The following PREX1 variants were observed in gnomAD, a reference collection of about 807,000 sequenced individuals.
PREX1 encodes phosphatidylinositol-3,4,5-trisphosphate dependent Rac exchange factor 1.
A neutral mutation model predicts 198.3 loss-of-function variants in PREX1; 41 were observed. The ratio of observed to expected loss-of-function variants is 0.21; its 90% CI spans 0.16 to 0.27. The LOEUF is 0.27. Ranked by LOEUF, PREX1 falls within the 10% of genes least tolerant of loss-of-function variation. PREX1 has a pLI of 1.00. For missense variants in PREX1, 1,620 were observed against 2,200.7 expected, an observed-to-expected ratio of 0.74 and a Z score of 5.28; for synonymous variants, 843 against 887.2, an observed-to-expected ratio of 0.95 and a Z score of 0.89.
intron 6 of PREX1, among the ~76,000 whole-genome samples, chr20:48,703,797 T>C (rs2089887958): frequency 6.6e-6 from 1 of 152,104 alleles, no homozygotes; most frequent in Non-Finnish European, 1.5e-5. Context: ...GCAGCTGAAA[T>C]GCCGAGCACA....
chr20:48,811,456 G>A (rs1224905667), intron 1 of PREX1, among the ~76,000 whole-genome samples: 1 of 152,128 alleles, frequency 6.6e-6, no homozygotes, highest in Non-Finnish European at 1.5e-5. Context: ...CACATCTGTG[G>A]CCTCAGTAGC....
chr20:48,782,470 T>C (rs1277426088), intron 1 of PREX1, among the ~76,000 whole-genome samples: 1 of 152,060 alleles, frequency 6.6e-6, no homozygotes, highest in Non-Finnish European at 1.5e-5. Flanking sequence ...CCTCTATAAA[T>C]TACCCAGTCT....
rs2122864112 is a variant in PREX1, at chr20:48,642,128, C to T, written c.3775+40G>A. 3.8e-6 allele frequency: 6 copies of T among 1,590,558 alleles called. No homozygotes were observed. In the Middle Eastern group the frequency reaches 5.0e-4, roughly 132 times the overall value. The stretch of plus-strand genomic sequence containing the variant: ...TACGCCGCCCTGTCTAACACCCTTC[C>T]CCATCGCAGGCTGTCACCTTGGACT... On this transcript the variant is annotated intron_variant, in intron 29 of 39. Transcript: ENST00000371941.
intron 7 of PREX1, among the ~76,000 whole-genome samples, chr20:48,699,924 G>A (rs1332518350): frequency 6.6e-6 from 1 of 151,912 alleles, no homozygotes; most frequent in Non-Finnish European, 1.5e-5. Context: ...TCACACACAC[G>A]TCAATTCCAA....
intron 1 of PREX1, among the ~76,000 whole-genome samples, chr20:48,796,883 A>G: frequency 6.6e-6 from 1 of 151,944 alleles, no homozygotes; most frequent in East Asian, 1.9e-4. Flanking sequence ...TTTTACATAA[A>G]GTTCAAAAAC....
intron 14 of PREX1, among the ~76,000 whole-genome samples, chr20:48,670,490 T>C (rs1403673260): frequency 1.3e-5 from 2 of 152,160 alleles, no homozygotes; most frequent in African/African-American, 4.8e-5. Flanking sequence ...GCTGACCCCC[T>C]GCCCTGCATG....
intron 1 of PREX1, among the ~76,000 whole-genome samples, chr20:48,768,645 T>C (rs1407851540): frequency 6.6e-6 from 1 of 151,998 alleles, no homozygotes; most frequent in African/African-American, 2.4e-5. Flanking sequence ...AATATAAAAA[T>C]TAGCCAGGCA....
At chr20:48,856,625 ACTTTTCTTTT>A in the PREX1 span, among the ~76,000 whole-genome samples, 1 of 152,078 alleles carries the variant, frequency 6.6e-6, no homozygotes, top group Non-Finnish European at 1.5e-5. Flanking sequence ...AAGTAAAATC[ACTTTTCTTTT>A]CTTTTCTTCC....
At chr20:48,632,423 G>A (rs372436566) in intron 34 of PREX1, 32 bp from the exon 35 acceptor site, 18 of 1,613,034 alleles carry the variant, frequency 1.1e-5, no homozygotes, top group African/African-American at 5.3e-5. Flanking sequence ...GCGGGCAGGC[G>A]GTTGGGAGCC....
intron 17 of PREX1, 119 bp downstream of exon 17, chr20:48,658,012 GAGAGA>G (rs975666102): frequency 1.2e-5 from 11 of 944,256 alleles, no homozygotes; most frequent in South Asian, 8.1e-5. Context: ...CGTGAGCAAT[GAGAGA>G]AGAGGAGTCA....
intron 3 of PREX1, among the ~76,000 whole-genome samples, chr20:48,738,468 C>T (rs532841308): frequency 9.8e-5 from 15 of 152,340 alleles, no homozygotes; most frequent in Admixed American, 3.9e-4. Context: ...AGTTCAATCA[C>T]GCCTGTGTCC....
chr20:48,724,221 A>C (rs1239726851), intron 5 of PREX1, among the ~76,000 whole-genome samples: 1 of 152,054 alleles, frequency 6.6e-6, no homozygotes, highest in East Asian at 1.9e-4. Context: ...TCTACTGCTT[A>C]TCTACTACGT....
intron 6 of PREX1, among the ~76,000 whole-genome samples, chr20:48,703,311 G>A (rs1379973060): frequency 6.6e-6 from 1 of 152,226 alleles, no homozygotes; most frequent in Non-Finnish European, 1.5e-5. Context: ...GCCGGGACAG[G>A]AGCCTGCATT....
At chr20:48,697,389 T>C (rs1276558921) in intron 7 of PREX1, among the ~76,000 whole-genome samples, 3 of 151,434 alleles carry the variant, frequency 2.0e-5, no homozygotes, top group Non-Finnish European at 2.9e-5. Context: ...CTTTTCTTTT[T>C]TTTTTTTTTG....
At chr20:48,787,097 C>T (rs1025074434) in intron 1 of PREX1, among the ~76,000 whole-genome samples, 1 of 152,084 alleles carries the variant, frequency 6.6e-6, no homozygotes, top group East Asian at 1.9e-4. Flanking sequence ...GCAAAGGCTG[C>T]GAGAAGCGGG....
rs138160648 is a variant in PREX1 at position 48,804,938 on chromosome 20, T to A, written c.219+22704A>T. Among the ~76,000 whole-genome samples, 826 of 152,194 alleles carry A rather than the reference T, an allele frequency of 5.4e-3. 9 individuals are homozygous for A. The highest frequency in any genetic ancestry group is 0.019 in the African/African-American group (782 of 41,522). On this transcript the variant is annotated intron_variant, in intron 1 of 39. Coordinates refer to ENST00000371941, the MANE Select transcript of PREX1 (RefSeq NM_020820.4). ...AGTTTGTGATGCCTGCTGAATGCCC[T>A]CATGGAGATGTCGGGTCATCATCTA...
At chr20:48,800,572 T>C (rs2123007464) in intron 1 of PREX1, among the ~76,000 whole-genome samples, 1 of 152,268 alleles carries the variant, frequency 6.6e-6, no homozygotes, top group Middle Eastern at 3.4e-3. Context: ...GTTCCCTCTC[T>C]TTCCCTCCCT....
intron 5 of PREX1, among the ~76,000 whole-genome samples, chr20:48,712,459 G>A (rs1394295472): frequency 6.6e-6 from 1 of 152,188 alleles, no homozygotes; most frequent in Non-Finnish European, 1.5e-5. Flanking sequence ...GCACCCCTCT[G>A]ATGGGCACTG....
At position 48,666,214 on chromosome 20, in the gene PREX1, A is replaced by T; in HGVS notation, c.1738+69T>A. 1 of 1,466,428 alleles carries T rather than the reference A, an allele frequency of 6.8e-7. No individual in the cohort carries two copies. Among genetic ancestry groups the T allele is most frequent in the Non-Finnish European group, 9.3e-7 (1 of 1,079,000 alleles). The allele number at this position is 1,466,428 out of a possible 1,614,324, so 90.8% of individuals were successfully genotyped here. ...CCACAGACCTGGCTTCAGTCCTCCC[A>T]TACTCCCCCAAACCATCAGCTCCAG... On this transcript the variant is annotated intron_variant, in intron 15 of 39. Transcript: ENST00000371941. This position sits in a 1 kb window ranked among gnomAD's most constrained non-coding sequence, Gnocchi z 4.3.
Sources: gnomAD v4.1 joint callset for allele counts (sites outside exome capture counted in the v4.1 genomes callset) on GRCh38, gnomAD v4.1.1 for gene constraint, Gnocchi (gnomAD v3.1) non-coding constraint, MANE v1.5 for transcripts, NCBI Gene and HGNC (gene_info 2026-07-23, HGNC 2026-07-21) for gene names.